RFX3: variants seen among roughly 807,000 people sequenced by gnomAD.
The protein encoded by RFX3 is regulatory factor X3.
Under a neutral mutation model 98.6 loss-of-function variants are expected in RFX3, and 14 were observed. The ratio of observed to expected loss-of-function variants is 0.14; its 90% confidence interval spans 0.09 to 0.22. The LOEUF is 0.22. Ranked by LOEUF, RFX3 falls within the 10% of genes least tolerant of loss-of-function variation. The pLI, the probability that RFX3 is intolerant of heterozygous loss-of-function variation, is 1.00. For missense variants in RFX3, 639 were observed against 926.9 expected (o/e 0.69, Z 4.03); for synonymous variants, 383 against 328.4 (o/e 1.17, Z -1.80).
intron 1 of RFX3, among the ~76,000 whole-genome samples, chr9:3,496,228 T>G (rs1851099369): frequency 6.6e-6 from 1 of 152,024 alleles, no homozygotes; most frequent in Admixed American, 6.6e-5. Flanking sequence ...AAACTTGTTC[T>G]GTTAATGAAA....
intron 15 of RFX3, among the ~76,000 whole-genome samples, chr9:3,241,058 A>T (rs1298385089): frequency 2.6e-5 from 4 of 152,180 alleles, no homozygotes; most frequent in African/African-American, 9.7e-5. Context: ...GAAATATTTT[A>T]AAAAGTCTTC....
At chr9:3,495,359 TAA>T (rs1851031738) in intron 1 of RFX3, among the ~76,000 whole-genome samples, 1 of 152,030 alleles carries the variant, frequency 6.6e-6, no homozygotes, top group Non-Finnish European at 1.5e-5. Flanking sequence ...GTACCATCCA[TAA>T]GTCAGACATT....
intron 15 of RFX3, among the ~76,000 whole-genome samples, chr9:3,230,499 T>C (rs1291805914): frequency 1.3e-5 from 2 of 152,198 alleles, no homozygotes; most frequent in African/African-American, 2.4e-5. Flanking sequence ...CTTTTATAAG[T>C]CTAAATAAAA....
chr9:3,481,590 T>A, intron 1 of RFX3, among the ~76,000 whole-genome samples: 1 of 150,668 alleles, frequency 6.6e-6, no homozygotes, highest in Non-Finnish European at 1.5e-5. Flanking sequence ...CAAAAAAAAA[T>A]TACATACAAA....
chr9:3,277,044 G>A (rs1222966532), intron 8 of RFX3, among the ~76,000 whole-genome samples: 2 of 151,922 alleles, frequency 1.3e-5, no homozygotes, highest in African/African-American at 4.8e-5. Context: ...AAAGTAAACA[G>A]CATAATTTTG....
chr9:3,369,734 T>C (rs551525321), intron 2 of RFX3, among the ~76,000 whole-genome samples: 1 of 152,340 alleles, frequency 6.6e-6, no homozygotes, highest in South Asian at 2.1e-4. Context: ...CAAGAACAAA[T>C]GACTAAAGAA....
intron 3 of RFX3, among the ~76,000 whole-genome samples, chr9:3,346,035 T>C (rs977226160): frequency 1.3e-5 from 2 of 152,190 alleles, no homozygotes; most frequent in African/African-American, 4.8e-5. Flanking sequence ...GAAACAATCC[T>C]TGCGACTTAC....
At chr9:3,256,847 T>A in intron 14 of RFX3, 144 bp downstream of exon 14, 1 of 717,284 alleles carries the variant, frequency 1.4e-6, no homozygotes, top group Non-Finnish European at 2.4e-6. Flanking sequence ...CTGAGTTGGG[T>A]TGAAGGTAGT....
At chr9:3,400,139 G>C in intron 1 of RFX3, 1 of 442,956 alleles carries the variant, frequency 2.3e-6, no homozygotes, top group Non-Finnish European at 3.0e-6. Flanking sequence ...TTATTTTAAA[G>C]ATGAGTTAAC....
intron 1 of RFX3, among the ~76,000 whole-genome samples, chr9:3,450,306 G>A (rs1447139027): frequency 6.6e-6 from 1 of 152,050 alleles, no homozygotes; most frequent in African/African-American, 2.4e-5. Flanking sequence ...ATATATAACA[G>A]GGAACGTCTC....
chr9:3,401,312 A>G (rs565409426), intron 1 of RFX3, among the ~76,000 whole-genome samples: 1 of 152,308 alleles, frequency 6.6e-6, no homozygotes, highest in South Asian at 2.1e-4. Context: ...TGACACATTC[A>G]TAGTATTCTG....
chr9:3,415,964 T>A (rs1317365002), intron 1 of RFX3, among the ~76,000 whole-genome samples: 1 of 152,194 alleles, frequency 6.6e-6, no homozygotes, highest in Non-Finnish European at 1.5e-5. Flanking sequence ...GGTTTAATTA[T>A]CATACCTGCT....
At chr9:3,262,389 T>C (rs1365488434) in intron 13 of RFX3, among the ~76,000 whole-genome samples, 5 of 152,244 alleles carry the variant, frequency 3.3e-5, no homozygotes, top group African/African-American at 1.2e-4. Context: ...ATAGTTGAAC[T>C]TATTGCATAT....
chr9:3,336,985 G>A (rs1833265541), intron 3 of RFX3, among the ~76,000 whole-genome samples: 1 of 152,168 alleles, frequency 6.6e-6, no homozygotes, highest in Admixed American at 6.5e-5. Flanking sequence ...TTTTCTCACG[G>A]TGGATGATAG....
chr9:3,386,246 GTTTAAAAAC>G (rs1839703571), intron 2 of RFX3, among the ~76,000 whole-genome samples: 1 of 151,972 alleles, frequency 6.6e-6, no homozygotes. Flanking sequence ...AAGAAAAGGA[GTTTAAAAAC>G]TCCAAATTTT....
At chr9:3,471,109 G>C (rs781319153) in intron 1 of RFX3, among the ~76,000 whole-genome samples, 1 of 151,830 alleles carries the variant, frequency 6.6e-6, no homozygotes, top group Non-Finnish European at 1.5e-5. Context: ...GTGGTGCTTT[G>C]GCCCAAAGCA....
intron 4 of RFX3, among the ~76,000 whole-genome samples, chr9:3,310,444 T>C (rs958680586): frequency 2.0e-5 from 3 of 152,242 alleles, no homozygotes; most frequent in Non-Finnish European, 4.4e-5. Flanking sequence ...TGAAATGGCT[T>C]TTTAATCTTT....
intron 1 of RFX3, among the ~76,000 whole-genome samples, chr9:3,425,740 A>G (rs1843954587): frequency 6.6e-6 from 1 of 152,052 alleles, no homozygotes. Flanking sequence ...TTCATTCCCC[A>G]TTTTCATGCT....
At chr9:3,494,352 G>A (rs541500501) in intron 1 of RFX3, among the ~76,000 whole-genome samples, 18 of 152,170 alleles carry the variant, frequency 1.2e-4, no homozygotes, top group Non-Finnish European at 2.4e-4. Flanking sequence ...ACTTTTGTTG[G>A]GATGTGTTAT....
Sources: gnomAD v4.1 joint callset for allele counts (sites outside exome capture counted in the v4.1 genomes callset) on GRCh38, gnomAD v4.1.1 for gene constraint, MANE v1.5 for transcripts, NCBI Gene and HGNC (gene_info 2026-07-23, HGNC 2026-07-21) for gene names.